The following PPP2R2B variants were observed in gnomAD, a reference collection of about 807,000 sequenced individuals.
PPP2R2B encodes serine/threonine-protein phosphatase 2A 55 kDa regulatory subunit B beta isoform.
In PPP2R2B, 5 loss-of-function variants were observed where a neutral mutation model predicts 46.0. The observed-to-expected ratio is 0.11, with a 90% CI of 0.06 to 0.23. PPP2R2B has a LOEUF of 0.23. PPP2R2B is among the 10% of genes least tolerant of loss of function. The probability of loss-of-function intolerance (pLI) is 1.00; values close to 1 mark genes in which losing one functional copy is unlikely to be tolerated. For synonymous variants in PPP2R2B, 215 were observed against 206.7 expected (o/e 1.04, Z -0.34); for missense variants, 367 against 575.0 (o/e 0.64, Z 3.70).
chr5:146,661,230 C>T (rs570828272), intron 5 of PPP2R2B, among the ~76,000 whole-genome samples: 1 of 152,230 alleles, frequency 6.6e-6, no homozygotes, highest in African/African-American at 2.4e-5. Context: ...TTTTGATGAA[C>T]AAGGTAGCTC....
intron 1 of PPP2R2B, among the ~76,000 whole-genome samples, chr5:146,977,134 G>A (rs780841209): frequency 2.0e-5 from 3 of 151,998 alleles, no homozygotes; most frequent in Admixed American, 6.5e-5. Context: ...TATTAGATTC[G>A]TCCTTAAAAA....
At chr5:146,608,012 A>G (rs56791426) in intron 7 of PPP2R2B, among the ~76,000 whole-genome samples, 15,906 of 152,110 alleles carry the variant, frequency 0.1, 1,463 homozygotes, top group East Asian at 0.24. Flanking sequence ...TTCTTTTTTG[A>G]TTTCTTCAAC....
At chr5:147,032,840 G>A (rs1178050403) in intron 1 of PPP2R2B, among the ~76,000 whole-genome samples, 2 of 152,218 alleles carry the variant, frequency 1.3e-5, no homozygotes, top group Non-Finnish European at 2.9e-5. Context: ...TATCTTTTTC[G>A]AATAATGACT....
chr5:146,786,437 AT>A (rs1266956298), intron 2 of PPP2R2B, among the ~76,000 whole-genome samples: 1 of 152,142 alleles, frequency 6.6e-6, no homozygotes, highest in African/African-American at 2.4e-5. Context: ...ATTATCCCAC[AT>A]CCTGATAAGG....
chr5:146,751,332 A>G (rs138335299), intron 2 of PPP2R2B: 1 of 152,342 alleles, frequency 6.6e-6, no homozygotes, highest in African/African-American at 2.4e-5. Context: ...GTGTTATGTC[A>G]CCTGTTGGGA....
chr5:147,059,676 A>T (rs907273715), upstream of PPP2R2B, among the ~76,000 whole-genome samples: 3 of 152,212 alleles, frequency 2.0e-5, no homozygotes, highest in African/African-American at 7.2e-5. Flanking sequence ...ATTTCTCCAG[A>T]TGATTTCCGC....
intron 5 of PPP2R2B, among the ~76,000 whole-genome samples, chr5:146,657,223 G>A (rs949451629): frequency 4.6e-5 from 7 of 152,040 alleles, no homozygotes; most frequent in African/African-American, 1.4e-4. Flanking sequence ...CCCTCAATGC[G>A]CCTTCATGAG....
rs182138439 is a variant in PPP2R2B, at chr5:146,790,208, C to G, written c.70+87794G>C. Among the ~76,000 whole-genome samples the G allele has an allele frequency of 2.2e-3, 332 of 152,288 alleles. 2 individuals are homozygous for G. The South Asian group carries it at 0.032, about 15-fold the overall frequency. ...TGGGTCACTGGTTTTCCTGAAGACTCTTCTCACTTGAGATAGAAGTGAAAA... is the reference window on the plus strand; with the variant it reads ...TGGGTCACTGGTTTTCCTGAAGACTGTTCTCACTTGAGATAGAAGTGAAAA... On this transcript the variant is annotated intron_variant, in intron 2 of 9. Transcript: ENST00000394411.
chr5:147,004,504 C>T (rs538409354), intron 1 of PPP2R2B, among the ~76,000 whole-genome samples: 87 of 152,280 alleles, frequency 5.7e-4, no homozygotes, highest in Admixed American at 1.6e-3. Flanking sequence ...CATTACCATC[C>T]GAGGAATCCT....
In PPP2R2B at chr5:146,898,321, C is replaced by G. The variant is rs142302356; in HGVS notation, c.79+157344G>C. ...TACCATGCTGTTTTGGTTACTGTAG[C>G]CTTGCAGTATAGTTTGAAGTTTGAC... is the stretch of plus-strand genomic sequence containing the variant. On this transcript the variant is annotated intron_variant, in intron 1 of 8. Coordinates refer to the PPP2R2B transcript ENST00000336640. Among the ~76,000 whole-genome samples the G allele has an allele frequency of 9.8e-3, 1,490 of 152,192 alleles. 18 individuals carry two copies. Among genetic ancestry groups the G allele is most frequent in the African/African-American group, 0.034 (1,408 of 41,528 alleles).
At chr5:146,983,083 T>C (rs1753249430) in intron 1 of PPP2R2B, among the ~76,000 whole-genome samples, 1 of 151,946 alleles carries the variant, frequency 6.6e-6, no homozygotes. Context: ...ATTTTTGTCC[T>C]TTTTGGTTCA....
At chr5:146,784,179 G>GT (rs1429394068) in intron 2 of PPP2R2B, among the ~76,000 whole-genome samples, 5 of 152,188 alleles carry the variant, frequency 3.3e-5, no homozygotes, top group South Asian at 4.1e-4. Flanking sequence ...CCAACTTCTA[G>GT]TTTTTTCTGT....
rs35533710 is a variant in PPP2R2B at position 146,698,317 on chromosome 5, AATATATATATAT to A, written c.169-185_169-174del. Among the ~76,000 whole-genome samples the A allele has an allele frequency of 1.1e-3, 96 of 85,628 alleles. 1 individual carries two copies. The highest frequency in any genetic ancestry group is 6.7e-3 in the East Asian group (17 of 2,530). 56.2% of individuals were successfully genotyped at this position (85,628 alleles called of 152,430 possible). A position where few individuals can be genotyped will look rare whatever the true frequency, so the allele number is the denominator to read the frequency against. ...ACCTCTGAAAAAAAAAAAAAAAAAA[AATATATATATAT>A]ATATATATATATATATATATATACA... On this transcript the variant is annotated intron_variant, in intron 3 of 9. Coordinates refer to ENST00000394411, the MANE Select transcript of PPP2R2B (RefSeq NM_181675.4).
intron 6 of PPP2R2B, among the ~76,000 whole-genome samples, chr5:146,645,971 G>A (rs1326217349): frequency 6.6e-6 from 1 of 152,114 alleles, no homozygotes; most frequent in Non-Finnish European, 1.5e-5. Flanking sequence ...TCTTTGCCAA[G>A]TTAGTTCATA....
At chr5:146,918,534 G>A (rs559626745) in intron 1 of PPP2R2B, 1 of 152,048 alleles carries the variant, frequency 6.6e-6, no homozygotes, top group African/African-American at 2.4e-5. Context: ...ATCCTTTAAG[G>A]ACTTCCCATT....
chr5:146,758,536 C>T (rs547839684), intron 2 of PPP2R2B, among the ~76,000 whole-genome samples: 10 of 152,238 alleles, frequency 6.6e-5, no homozygotes, highest in African/African-American at 7.2e-5. Flanking sequence ...AATATTTTCA[C>T]GAGCTATATT....
chr5:146,834,414 G>A (rs1759148643), intron 2 of PPP2R2B, among the ~76,000 whole-genome samples: 1 of 152,146 alleles, frequency 6.6e-6, no homozygotes, highest in African/African-American at 2.4e-5. Flanking sequence ...CCTTTACACT[G>A]CCTTTCTTGG....
At chr5:146,872,612 C>A (rs1761679109) in intron 2 of PPP2R2B, among the ~76,000 whole-genome samples, 1 of 152,072 alleles carries the variant, frequency 6.6e-6, no homozygotes, top group South Asian at 2.1e-4. Context: ...TCTTTACTTC[C>A]TCACTTTTAC....
chr5:146,924,652 A>C (rs1763720887), intron 1 of PPP2R2B, among the ~76,000 whole-genome samples: 1 of 152,188 alleles, frequency 6.6e-6, no homozygotes, highest in Non-Finnish European at 1.5e-5. Context: ...GTTTAGGTTT[A>C]TGATCTGCTT....
Sources: gnomAD v4.1 joint callset for allele counts (sites outside exome capture counted in the v4.1 genomes callset) on GRCh38, gnomAD v4.1.1 for gene constraint, MANE v1.5 for transcripts, NCBI Gene and HGNC (gene_info 2026-07-23, HGNC 2026-07-21) for gene names.